Variants in GRID1 observed in about 807,000 individuals in gnomAD.
The protein encoded by GRID1 is glutamate receptor ionotropic, delta-1.
In GRID1, 28 loss-of-function variants were observed where a neutral mutation model predicts 98.0. That is an observed-to-expected ratio of 0.29 (90% CI 0.21 to 0.39). The LOEUF is 0.39. Among genes scored for constraint, GRID1 ranks in the 10% least tolerant of loss-of-function variants. The pLI, the probability that GRID1 is intolerant of heterozygous loss-of-function variation, is 1.00. For synonymous variants in GRID1, 553 were observed against 538.5 expected (o/e 1.03, Z -0.37); for missense variants, 1,111 against 1,340.5 (o/e 0.83, Z 2.67).
chr10:85,939,855 C>G (rs1171845940), intron 4 of GRID1, among the ~76,000 whole-genome samples: 1 of 152,016 alleles, frequency 6.6e-6, no homozygotes, highest in Non-Finnish European at 1.5e-5. Flanking sequence ...CACCTGAGGT[C>G]AGGAGTTCGA....
At chr10:86,328,206 T>C (rs934818281) in intron 2 of GRID1, among the ~76,000 whole-genome samples, 3 of 152,220 alleles carry the variant, frequency 2.0e-5, no homozygotes, top group African/African-American at 7.2e-5. Context: ...AAACTCCTTA[T>C]TCTGTTATGT....
chr10:85,628,934 GCA>G (rs1470065314), intron 13 of GRID1, among the ~76,000 whole-genome samples: 2 of 152,204 alleles, frequency 1.3e-5, no homozygotes, highest in Admixed American at 6.5e-5. Flanking sequence ...GGCATGCAGA[GCA>G]CAGACATGAG....
Position 86,195,949 on chromosome 10 carries a change from G to C in GRID1, c.520+10415C>G. Among the ~76,000 whole-genome samples the C allele has an allele frequency of 6.6e-6, 1 of 152,078 alleles. No individual in the cohort carries two copies. Among genetic ancestry groups the C allele is most frequent in the Non-Finnish European group, 1.5e-5 (1 of 67,970 alleles). On this transcript the variant is annotated intron_variant, in intron 3 of 15. Transcript: ENST00000327946. This position sits in a 1 kb window ranked among gnomAD's most constrained non-coding sequence, Gnocchi z 4.4. ...CCAGAGAGAACGGGCTTCCGTTCTT[G>C]AGCATCCTTACTACACAGGAGAAAG...
chr10:85,628,989 C>T (rs1335883545), intron 13 of GRID1, among the ~76,000 whole-genome samples: 1 of 152,080 alleles, frequency 6.6e-6, no homozygotes, highest in African/African-American at 2.4e-5. Flanking sequence ...AGAGGCGGCC[C>T]ATGACCTGGG....
intron 4 of GRID1, among the ~76,000 whole-genome samples, chr10:85,947,192 G>T (rs905230709): frequency 6.6e-6 from 1 of 152,114 alleles, no homozygotes; most frequent in Admixed American, 6.5e-5. Flanking sequence ...ATTAAGTTCC[G>T]CTGCAGTCAA....
chr10:86,133,383 C>T (rs1844868266), intron 4 of GRID1, among the ~76,000 whole-genome samples: 1 of 152,204 alleles, frequency 6.6e-6, no homozygotes, highest in Non-Finnish European at 1.5e-5. Flanking sequence ...TCCACTGCTG[C>T]TTACCACCAC....
chr10:86,049,643 G>T (rs1843472358), intron 4 of GRID1, among the ~76,000 whole-genome samples: 1 of 152,234 alleles, frequency 6.6e-6, no homozygotes. Flanking sequence ...GGTGACTCTA[G>T]ATGACATGCA....
At chr10:86,072,233 A>T (rs144230450) in intron 4 of GRID1, among the ~76,000 whole-genome samples, 161 of 152,310 alleles carry the variant, frequency 1.1e-3, no homozygotes, top group African/African-American at 3.7e-3. Context: ...TCCATACCTC[A>T]GTCAACTTTC....
intron 8 of GRID1, among the ~76,000 whole-genome samples, chr10:85,819,364 CCA>C (rs1336003246): frequency 1.3e-5 from 2 of 152,136 alleles, no homozygotes; most frequent in African/African-American, 2.4e-5. Flanking sequence ...TTGTTACTCC[CCA>C]CACCAAGTGA....
At chr10:86,119,915 C>T (rs1386018398) in intron 4 of GRID1, among the ~76,000 whole-genome samples, 1 of 152,088 alleles carries the variant, frequency 6.6e-6, no homozygotes, top group East Asian at 1.9e-4. Context: ...CTCAGCCTCC[C>T]GAGTAGCTGG....
intron 6 of GRID1, among the ~76,000 whole-genome samples, chr10:85,864,713 G>A (rs953258565): frequency 6.6e-6 from 1 of 152,218 alleles, no homozygotes; most frequent in Admixed American, 6.5e-5. Flanking sequence ...GGATGTTAGA[G>A]GGAGAGGGGT....
intron 3 of GRID1, among the ~76,000 whole-genome samples, chr10:86,173,506 C>G (rs1845524804): frequency 6.6e-6 from 1 of 152,046 alleles, no homozygotes; most frequent in Non-Finnish European, 1.5e-5. Flanking sequence ...TACATATAGC[C>G]AATTGTTTGA....
intron 14 of GRID1, among the ~76,000 whole-genome samples, chr10:85,615,993 G>C (rs1419606848): frequency 6.6e-6 from 1 of 152,204 alleles, no homozygotes; most frequent in Non-Finnish European, 1.5e-5. Context: ...ACTAAAGCCT[G>C]AGGTTATAAT....
In GRID1 at chr10:86,357,221, G is replaced by C. The variant is rs560191722; in HGVS notation, c.235+6720C>G. ...TGGCCAGGAAACTGGCTGTTTCCAG[G>C]CTGGGAGGGAGGGCTCAGAGAGCCT... On this transcript the variant is annotated intron_variant, in intron 2 of 15. Transcript: ENST00000327946. 1.2e-3 allele frequency among the ~76,000 whole-genome samples: 179 copies of C among 152,356 alleles called. 1 individual carries two copies. Among genetic ancestry groups the C allele is most frequent in the African/African-American group, 4.1e-3 (172 of 41,584 alleles).
chr10:85,950,527 A>C (rs991923560), intron 4 of GRID1, among the ~76,000 whole-genome samples: 1 of 152,226 alleles, frequency 6.6e-6, no homozygotes, highest in Non-Finnish European at 1.5e-5. Context: ...TGAGAATCCA[A>C]GCCTGACCAG....
chr10:86,058,110 G>C (rs1182653115), intron 4 of GRID1, among the ~76,000 whole-genome samples: 1 of 152,158 alleles, frequency 6.6e-6, no homozygotes, highest in African/African-American at 2.4e-5. Context: ...GGAAGAAAGG[G>C]AGGAAGGAAG....
intron 3 of GRID1, among the ~76,000 whole-genome samples, chr10:86,164,760 T>G (rs1845373959): frequency 6.6e-6 from 1 of 152,132 alleles, no homozygotes; most frequent in Admixed American, 6.5e-5. Context: ...AAGGTTTGGC[T>G]TCCTCCAGGA....
At chr10:85,645,482 T>A (rs1463307658) in intron 13 of GRID1, 1 of 152,252 alleles carries the variant, frequency 6.6e-6, no homozygotes, top group Non-Finnish European at 1.5e-5. Flanking sequence ...ATAGCACAGT[T>A]ACACTGCATT....
intron 2 of GRID1, among the ~76,000 whole-genome samples, chr10:86,239,095 A>G (rs1323585266): frequency 6.6e-6 from 1 of 152,224 alleles, no homozygotes; most frequent in African/African-American, 2.4e-5. Flanking sequence ...GTAGAGGCTG[A>G]GCCCTGCAGA....
Sources: allele counts gnomAD v4.1 joint callset (sites outside exome capture counted in the v4.1 genomes callset), GRCh38; gene constraint gnomAD v4.1.1; non-coding constraint Gnocchi (gnomAD v3.1); transcripts MANE v1.5; gene names NCBI Gene and HGNC (gene_info 2026-07-23, HGNC 2026-07-21).